The following SPPL3 variants were observed in gnomAD, a reference collection of about 807,000 sequenced individuals.
The protein encoded by SPPL3 is signal peptide peptidase like 3.
In SPPL3, 5 loss-of-function variants were observed where a neutral mutation model predicts 42.4. The ratio of observed to expected loss-of-function variants is 0.12; its 90% confidence interval spans 0.06 to 0.25. The LOEUF (loss-of-function observed/expected upper bound fraction) is 0.25. Ranked by LOEUF, SPPL3 falls within the 10% of genes least tolerant of loss-of-function variation. The pLI, the probability that SPPL3 is intolerant of heterozygous loss-of-function variation, is 1.00. For missense variants in SPPL3, 235 were observed against 489.0 expected, an observed-to-expected ratio of 0.48 and a Z score of 4.90; for synonymous variants, 195 against 181.8, an observed-to-expected ratio of 1.07 and a Z score of -0.58.
intron 1 of SPPL3, among the ~76,000 whole-genome samples, chr12:120,844,208 C>T (rs1871940095): frequency 6.6e-6 from 1 of 152,128 alleles, no homozygotes; most frequent in South Asian, 2.1e-4. Flanking sequence ...AGGCACCATC[C>T]ACCCTAGCAT....
chr12:120,850,467 T>C (rs114706947), intron 1 of SPPL3, among the ~76,000 whole-genome samples: 1,764 of 132,150 alleles, frequency 0.013, 35 homozygotes, highest in African/African-American at 0.046. Flanking sequence ...AAGACCAGCC[T>C]GGACAACATA....
chr12:120,786,082 T>C (rs1869713443), intron 3 of SPPL3, among the ~76,000 whole-genome samples: 1 of 152,198 alleles, frequency 6.6e-6, no homozygotes, highest in Admixed American at 6.5e-5. Flanking sequence ...GGTTTTTGAT[T>C]GACTAAATCT....
At chr12:120,778,214 T>G (rs1056360677) in intron 6 of SPPL3, among the ~76,000 whole-genome samples, 1 of 148,198 alleles carries the variant, frequency 6.7e-6, no homozygotes, top group Non-Finnish European at 1.5e-5. Context: ...CCTCCTGGGT[T>G]GAAGCGATTC....
chr12:120,767,448 C>T lies in SPPL3; in HGVS notation c.919G>A (p.Gly307Arg), dbSNP rs762499287. The T allele has an allele frequency of 1.9e-6, 3 of 1,614,034 alleles. No homozygotes were observed. The highest frequency in any genetic ancestry group is 2.2e-5 in the East Asian group (1 of 44,884). ...CGAPGPANISGRMQKVSYFHC... is the reference protein window; with the variant it reads ...CGAPGPANISRRMQKVSYFHC... ...AAGTAGGAGACCTTCTGCATGCGCC[C>T]GGAGATGTTGGCAGGTCCAGGGGCC... Residue 307 changes from glycine to arginine, a missense_variant, in exon 9 of 11, where the codon GGG becomes AGG. Gly to Arg is a moderately radical substitution (Grantham distance 125, BLOSUM62 -2). Coordinates refer to ENST00000353487, the MANE Select transcript of SPPL3 (RefSeq NM_139015.5).
chr12:120,781,548 T>C (rs1195496840), intron 6 of SPPL3, among the ~76,000 whole-genome samples: 1 of 143,194 alleles, frequency 7.0e-6, no homozygotes, highest in African/African-American at 2.6e-5. Flanking sequence ...CATCTCCTTA[T>C]TGTTACGTTT....
intron 1 of SPPL3, among the ~76,000 whole-genome samples, chr12:120,887,999 C>G (rs1455491906): frequency 2.0e-5 from 3 of 152,156 alleles, no homozygotes; most frequent in Non-Finnish European, 4.4e-5. Flanking sequence ...CAACTTTACT[C>G]CAAAGTATTC....
At chr12:120,873,144 A>G (rs1727453346) in intron 1 of SPPL3, among the ~76,000 whole-genome samples, 1 of 152,244 alleles carries the variant, frequency 6.6e-6, no homozygotes, top group Admixed American at 6.5e-5. Flanking sequence ...GGAAACTGTA[A>G]AGATTTTAAA....
At chr12:120,884,155 G>C (rs1316320078) in intron 1 of SPPL3, among the ~76,000 whole-genome samples, 2 of 151,570 alleles carry the variant, frequency 1.3e-5, no homozygotes, top group Admixed American at 1.3e-4. Flanking sequence ...AAAAAGCAAA[G>C]GGATGGTAAA....
chr12:120,903,732 G>GCCCC (rs71076684), intron 1 of SPPL3, 113 bp downstream of exon 1: 78 of 385,400 alleles, frequency 2.0e-4, no homozygotes, highest in South Asian at 3.4e-4. Flanking sequence ...CCCAACCCGC[G>GCCCC]CCCCCCCCCC....
intron 1 of SPPL3, among the ~76,000 whole-genome samples, chr12:120,888,650 A>C (rs1310809187): frequency 6.6e-6 from 1 of 152,184 alleles, no homozygotes; most frequent in African/African-American, 2.4e-5. Flanking sequence ...GCTGGGGAGA[A>C]GGGTAATGAG....
At chr12:120,843,895 T>C (rs1012302309) in intron 1 of SPPL3, among the ~76,000 whole-genome samples, 29 of 152,060 alleles carry the variant, frequency 1.9e-4, no homozygotes, top group African/African-American at 6.8e-4. Flanking sequence ...GAGGCGGAGG[T>C]TGCAGCGAGC....
chr12:120,862,767 C>CA (rs1872648188), intron 1 of SPPL3, among the ~76,000 whole-genome samples: 1 of 152,066 alleles, frequency 6.6e-6, no homozygotes, highest in Admixed American at 6.6e-5. Context: ...AAATCACTGG[C>CA]CTTTCCTGGC....
intron 1 of SPPL3, among the ~76,000 whole-genome samples, chr12:120,820,296 C>CTAAA (rs1871018811): frequency 6.9e-6 from 1 of 144,562 alleles, no homozygotes; most frequent in African/African-American, 2.6e-5. Context: ...TAATTTGTAT[C>CTAAA]TTTCTCTAAA....
At chr12:120,868,468 T>TC (rs1555253504) in intron 1 of SPPL3, among the ~76,000 whole-genome samples, 4 of 151,766 alleles carry the variant, frequency 2.6e-5, no homozygotes, top group Non-Finnish European at 4.4e-5. Context: ...TCTTTTTTCT[T>TC]TTTTTTTGTT....
At chr12:120,815,657 T>C (rs954584914) in intron 1 of SPPL3, among the ~76,000 whole-genome samples, 1 of 152,186 alleles carries the variant, frequency 6.6e-6, no homozygotes, top group African/African-American at 2.4e-5. Context: ...TTTTGCTACA[T>C]CTCTCAAATC....
chr12:120,816,575 G>A (rs942992648), intron 1 of SPPL3, among the ~76,000 whole-genome samples: 2 of 152,012 alleles, frequency 1.3e-5, no homozygotes, highest in African/African-American at 2.4e-5. Context: ...GCAGTGGCAC[G>A]GTCTTGGCTC....
At chr12:120,857,125 A>G (rs1035530825) in intron 1 of SPPL3, among the ~76,000 whole-genome samples, 23 of 152,226 alleles carry the variant, frequency 1.5e-4, no homozygotes, top group African/African-American at 5.1e-4. Flanking sequence ...AGTAATGACC[A>G]GATGTCTGAA....
intron 1 of SPPL3, among the ~76,000 whole-genome samples, chr12:120,837,104 A>C (rs184349597): frequency 1.2e-4 from 19 of 152,346 alleles, no homozygotes; most frequent in Admixed American, 5.2e-4. Context: ...ATAATAGATA[A>C]CTGATACAGA....
chr12:120,867,939 G>T (rs1003324517), intron 1 of SPPL3, among the ~76,000 whole-genome samples: 40 of 151,892 alleles, frequency 2.6e-4, no homozygotes, highest in Admixed American at 1.3e-4. Context: ...TAGAGACGGG[G>T]TTTCACCATG....
Sources: gnomAD v4.1 joint callset for allele counts (sites outside exome capture counted in the v4.1 genomes callset) on GRCh38, gnomAD v4.1.1 for gene constraint, MANE v1.5 for transcripts, NCBI Gene and HGNC (gene_info 2026-07-23, HGNC 2026-07-21) for gene names.